The following SIPA1L2 variants were observed in gnomAD, a reference collection of about 807,000 sequenced individuals.
SIPA1L2 encodes signal induced proliferation associated 1 like 2.
SIPA1L2 carries 56 observed loss-of-function variants against 163.9 expected under a neutral mutation model. The observed-to-expected ratio is 0.34, with a 90% CI of 0.28 to 0.43. The LOEUF (loss-of-function observed/expected upper bound fraction) is 0.43. Among genes scored for constraint, SIPA1L2 ranks in the 20% least tolerant of loss-of-function variants. The pLI is 1.00. For missense variants in SIPA1L2, 1,974 were observed against 2,193.5 expected (o/e 0.90, Z 2.00); for synonymous variants, 877 against 865.7 (o/e 1.01, Z -0.23).
At chr1:232,508,812 C>T (rs535976232) in intron 3 of SIPA1L2, among the ~76,000 whole-genome samples, 1 of 152,336 alleles carries the variant, frequency 6.6e-6, no homozygotes, top group South Asian at 2.1e-4. Flanking sequence ...GCTGTTTTGG[C>T]TGGGTGCGGT....
chr1:232,565,642 A>G (rs772196650), intron 2 of SIPA1L2, among the ~76,000 whole-genome samples: 8 of 152,372 alleles, frequency 5.3e-5, no homozygotes, highest in Non-Finnish European at 7.3e-5. Flanking sequence ...CTGAACTTAG[A>G]ATGTGTTACC....
chr1:232,437,399 A>G lies in SIPA1L2; in HGVS notation c.4031+1709T>C, dbSNP rs545239762. ...AATTCACTGATAATCCTTAATTATT[A>G]TATTAGTTATTAGTACTAAACCTAT... On this transcript the variant is annotated intron_variant, in intron 15 of 22. Transcript: ENST00000674635. 2.6e-5 allele frequency among the ~76,000 whole-genome samples: 4 copies of G among 152,376 alleles called. No individual in the cohort carries two copies. In the East Asian group the frequency reaches 5.8e-4, roughly 22 times the overall value.
chr1:232,529,991 G>A (rs1667895634), intron 2 of SIPA1L2, among the ~76,000 whole-genome samples: 1 of 152,242 alleles, frequency 6.6e-6, no homozygotes, highest in Non-Finnish European at 1.5e-5. Flanking sequence ...AGTATGAGCA[G>A]TCACTGGTGA....
At chr1:232,478,914 G>A (rs947171006) in intron 7 of SIPA1L2, among the ~76,000 whole-genome samples, 15 of 152,180 alleles carry the variant, frequency 9.9e-5, no homozygotes, top group African/African-American at 3.4e-4. Flanking sequence ...TATCCCAAAC[G>A]TAGGTCCTTT....
At chr1:232,582,661 G>C (rs955477254) in intron 1 of SIPA1L2, among the ~76,000 whole-genome samples, 1 of 152,052 alleles carries the variant, frequency 6.6e-6, no homozygotes. Context: ...TTTTCCTTTG[G>C]TTATATACCC....
intron 1 of SIPA1L2, among the ~76,000 whole-genome samples, chr1:232,617,515 G>A (rs899142550): frequency 6.6e-6 from 1 of 152,206 alleles, no homozygotes; most frequent in Non-Finnish European, 1.5e-5. Context: ...GTCATATAAA[G>A]TATACAACAA....
chr1:232,538,182 C>CAGGCCAGGATG (rs1286824841), intron 2 of SIPA1L2, among the ~76,000 whole-genome samples: 1 of 152,152 alleles, frequency 6.6e-6, no homozygotes, highest in African/African-American at 2.4e-5. Context: ...GGATCACGGT[C>CAGGCCAGGATG]AGGCCAGGAT....
At position 232,471,352 on chromosome 1, in the gene SIPA1L2, T is replaced by C. The variant is rs1012465328; in HGVS notation, c.2243+19A>G. ...GAAATAAACCTGGGAGAATGATAGA[T>C]CAGGGATGACTGACTCACCTATAAC... On this transcript the variant is annotated intron_variant, in intron 8 of 22. Transcript: ENST00000674635. 3.7e-6 allele frequency: 6 copies of C among 1,602,916 alleles called. No individual in the cohort carries two copies. In the African/African-American group the frequency reaches 6.7e-5, roughly 18 times the overall value.
chr1:232,566,780 A>T (rs777107562), intron 2 of SIPA1L2, among the ~76,000 whole-genome samples: 3 of 152,224 alleles, frequency 2.0e-5, no homozygotes, highest in Admixed American at 6.5e-5. Context: ...TATTTCAAGC[A>T]GGGCTTTAGG....
chr1:232,596,687 A>G (rs1182117868), intron 1 of SIPA1L2, among the ~76,000 whole-genome samples: 3 of 152,200 alleles, frequency 2.0e-5, no homozygotes, highest in African/African-American at 7.2e-5. Flanking sequence ...TAGTTAACCT[A>G]TTTGTAGAAA....
At chr1:232,621,459 A>C (rs1394277682) in intron 1 of SIPA1L2, among the ~76,000 whole-genome samples, 2 of 152,226 alleles carry the variant, frequency 1.3e-5, no homozygotes, top group African/African-American at 4.8e-5. Flanking sequence ...TGTAGAATAA[A>C]GAACACTATA....
chr1:232,590,641 G>A (rs961974579), intron 1 of SIPA1L2, among the ~76,000 whole-genome samples: 6 of 152,026 alleles, frequency 3.9e-5, no homozygotes, highest in South Asian at 2.1e-4. Context: ...ATTGGGCCTC[G>A]CCCATGCAAC....
intron 3 of SIPA1L2, among the ~76,000 whole-genome samples, chr1:232,501,050 A>ATTTTTTTTTTTTTTTTTTTTTTTTT (rs60008360): frequency 1.3e-5 from 1 of 78,450 alleles, no homozygotes; most frequent in Non-Finnish European, 2.3e-5. Context: ...GCAATGAAGT[A>ATTTTTTTTTTTTTTTTTTTTTTTTT]TTTTTTTTTT....
At chr1:232,597,502 C>T (rs2102844260) in intron 1 of SIPA1L2, among the ~76,000 whole-genome samples, 1 of 150,434 alleles carries the variant, frequency 6.6e-6, no homozygotes, top group East Asian at 2.0e-4. Flanking sequence ...ACGGTGAAAC[C>T]CCGTCTCTAC....
At chr1:232,402,582 C>A in intron 21 of SIPA1L2, 109 bp from the exon 22 acceptor site, 4 of 815,830 alleles carry the variant, frequency 4.9e-6, no homozygotes, top group South Asian at 3.5e-5. Context: ...GCCCAGCAAG[C>A]AGATATATTA....
chr1:232,557,038 G>A (rs932842212), intron 2 of SIPA1L2, among the ~76,000 whole-genome samples: 2 of 152,106 alleles, frequency 1.3e-5, no homozygotes, highest in East Asian at 3.9e-4. Flanking sequence ...TGTGTCCCGT[G>A]AGCAAAAGAG....
intron 20 of SIPA1L2, 61 bp from the exon 21 acceptor site, chr1:232,403,632 C>T (rs544756865): frequency 6.5e-7 from 1 of 1,530,124 alleles, no homozygotes; most frequent in Non-Finnish European, 8.8e-7. Flanking sequence ...GGCAATGTTT[C>T]TTTGTGGAAA....
At chr1:232,408,273 G>A (rs901253808) in intron 19 of SIPA1L2, among the ~76,000 whole-genome samples, 1 of 146,536 alleles carries the variant, frequency 6.8e-6, no homozygotes, top group Non-Finnish European at 1.5e-5. Flanking sequence ...TGCCTTCTTA[G>A]ACCTATGAAG....
At position 232,439,101 on chromosome 1, in the gene SIPA1L2, G is replaced by C. The variant is rs1171816112; in HGVS notation, c.4031+7C>G. Reference sequence around the variant, plus strand: ...CAGGTACTACTCTGCAGTGCTGTGGGGCTTACCTGGAATGAGAGGATATCT... The same window carrying C: ...CAGGTACTACTCTGCAGTGCTGTGGCGCTTACCTGGAATGAGAGGATATCT... On this transcript the variant is annotated splice_region_variant and intron_variant, in intron 15 of 22. Transcript: ENST00000674635. 3 of 1,593,488 alleles carry C rather than the reference G, an allele frequency of 1.9e-6. No homozygotes were observed. The highest frequency in any genetic ancestry group is 2.6e-6 in the Non-Finnish European group (3 of 1,169,964).
Sources: gnomAD v4.1 joint callset for allele counts (sites outside exome capture counted in the v4.1 genomes callset) on GRCh38, gnomAD v4.1.1 for gene constraint, MANE v1.5 for transcripts, NCBI Gene and HGNC (gene_info 2026-07-23, HGNC 2026-07-21) for gene names.